The following RGS9 variants were observed in gnomAD, a reference collection of about 807,000 sequenced individuals.
RGS9 encodes the protein regulator of G-protein signalling 9.
A neutral mutation model predicts 102.0 loss-of-function variants in RGS9; 78 were observed. The ratio of observed to expected loss-of-function variants is 0.76; its 90% CI spans 0.64 to 0.92. RGS9 has a LOEUF of 0.92. Among genes scored for constraint, RGS9 ranks in the 40% least tolerant of loss-of-function variants. RGS9 has a pLI of 0.00. For synonymous variants in RGS9, 353 were observed against 318.6 expected (o/e 1.11, Z -1.15); for missense variants, 833 against 866.1 (o/e 0.96, Z 0.48).
chr17:65,155,302 G>A (rs994640716), intron 2 of RGS9, among the ~76,000 whole-genome samples: 2 of 152,184 alleles, frequency 1.3e-5, no homozygotes, highest in African/African-American at 4.8e-5. Flanking sequence ...ATTTTGGCCT[G>A]AATTCTCTAC....
rs1905739655 is a variant in RGS9 at position 65,227,354 on chromosome 17, T to G, written c.1972T>G (p.Ser658Ala). Residue 658 changes from serine to alanine, a missense_variant, in exon 19 of 19, where the codon TCG becomes GCG. By Grantham distance (99) the Ser-to-Ala change is moderately conservative. Coordinates refer to ENST00000262406, the MANE Select transcript of RGS9 (RefSeq NM_003835.4). ...MDSEDAGTGE[S>A]GDRATEKEVI... ...CTCGGAGGATGCTGGAACAGGAGAGTCGGGTGACCGGGCCACAGAAAAGGA... is the reference window on the plus strand; with the variant it reads ...CTCGGAGGATGCTGGAACAGGAGAGGCGGGTGACCGGGCCACAGAAAAGGA... 1 of 1,613,188 alleles carries G rather than the reference T, an allele frequency of 6.2e-7. No individual in the cohort carries two copies.
chr17:65,201,132 CTT>C (rs199857984), intron 13 of RGS9, among the ~76,000 whole-genome samples: 2,496 of 151,830 alleles, frequency 0.016, 74 homozygotes, highest in African/African-American at 0.058. Context: ...CACACACACA[CTT>C]GCTCTCTCTT....
At chr17:65,156,795 G>C (rs1910785600) in intron 2 of RGS9, among the ~76,000 whole-genome samples, 1 of 152,186 alleles carries the variant, frequency 6.6e-6, no homozygotes, top group South Asian at 2.1e-4. Flanking sequence ...TAAAGAGAGA[G>C]ACTTGGTGTG....
At chr17:65,179,624 A>T (rs1321459067) in intron 9 of RGS9, among the ~76,000 whole-genome samples, 1 of 146,454 alleles carries the variant, frequency 6.8e-6, no homozygotes, top group Non-Finnish European at 1.5e-5. Flanking sequence ...CCAAGCCAGG[A>T]TACTGCTCAG....
At chr17:65,203,351 C>G (rs923906122) in intron 14 of RGS9, among the ~76,000 whole-genome samples, 7 of 152,092 alleles carry the variant, frequency 4.6e-5, no homozygotes, top group Non-Finnish European at 7.4e-5. Context: ...ACAATGGGTG[C>G]CTGATTGCCT....
chr17:65,215,474 C>CTTTTTCTT lies in RGS9; in HGVS notation c.1407+4870_1407+4871insTTTTCTTT, dbSNP rs1378047430. 7.3e-5 allele frequency among the ~76,000 whole-genome samples: 10 copies of CTTTTTCTT among 137,036 alleles called. 1 individual carries two copies. Among genetic ancestry groups the CTTTTTCTT allele is most frequent in the African/African-American group, 2.9e-4 (9 of 30,836 alleles). 89.9% of individuals were successfully genotyped at this position (137,036 alleles called of 152,430 possible). ...GGAGTTTCTCTTTCTTTCTTTCTTTCTCTATCTTTCTTTCGTTCTTTCGTT... is the reference window on the plus strand; with the variant it reads ...GGAGTTTCTCTTTCTTTCTTTCTTTCTTTTTCTTTCTATCTTTCTTTCGTTCTTTCGTT... On this transcript the variant is annotated intron_variant, in intron 17 of 18. Coordinates refer to ENST00000262406, the MANE Select transcript of RGS9 (RefSeq NM_003835.4).
chr17:65,137,397 G>A lies in RGS9; in HGVS notation c.-144G>A. The A allele has an allele frequency of 2.6e-6, 2 of 773,872 alleles. No homozygotes were observed. Among genetic ancestry groups the A allele is most frequent in the Non-Finnish European group, 2.2e-6 (1 of 449,532 alleles). The allele number at this position is 773,872 out of a possible 1,614,324, so 47.9% of individuals were successfully genotyped here. A position where few individuals can be genotyped will look rare whatever the true frequency, so the allele number is the denominator to read the frequency against. ...TCAGCGGCGCCTAGTGAGAGTCAGGGGGGCCCGGCCCGCGCCCTCCCCGCC... is the reference window on the plus strand; with the variant it reads ...TCAGCGGCGCCTAGTGAGAGTCAGGAGGGCCCGGCCCGCGCCCTCCCCGCC... On this transcript the variant is annotated 5_prime_UTR_variant, in exon 1 of 19. Coordinates refer to ENST00000262406, the MANE Select transcript of RGS9 (RefSeq NM_003835.4).
At chr17:65,151,651 A>G (rs936149907) in intron 1 of RGS9, among the ~76,000 whole-genome samples, 10 of 152,270 alleles carry the variant, frequency 6.6e-5, no homozygotes, top group Non-Finnish European at 1.5e-4. Flanking sequence ...TCGACCTTCC[A>G]AGGCAGACAC....
intron 9 of RGS9, among the ~76,000 whole-genome samples, chr17:65,187,841 C>T (rs1016275853): frequency 2.0e-5 from 3 of 152,148 alleles, no homozygotes; most frequent in African/African-American, 7.2e-5. Flanking sequence ...ACTAAAAATA[C>T]AAAAATTAGC....
At chr17:65,223,897 C>T (rs1342468485) in intron 17 of RGS9, among the ~76,000 whole-genome samples, 2 of 151,572 alleles carry the variant, frequency 1.3e-5, no homozygotes, top group Non-Finnish European at 2.9e-5. Flanking sequence ...ATTACAGGCA[C>T]CCACCACCAC....
At position 65,212,829 on chromosome 17, in the gene RGS9, C is replaced by T. The variant is rs115588991; in HGVS notation, c.1407+2224C>T. 9.6e-3 allele frequency among the ~76,000 whole-genome samples: 1,466 copies of T among 152,278 alleles called. 20 individuals carry two copies. The highest frequency in any genetic ancestry group is 0.034 in the African/African-American group (1,413 of 41,546). On this transcript the variant is annotated intron_variant, in intron 17 of 18. Transcript: ENST00000262406. ...TGGAGTCTTCCCACTCTGGAAGGTACCCCAAGTAGAAATGTAAACCATTGT... is the reference window on the plus strand; with the variant it reads ...TGGAGTCTTCCCACTCTGGAAGGTATCCCAAGTAGAAATGTAAACCATTGT...
In RGS9 at chr17:65,139,287, C is replaced by T. The variant is rs79105212; in HGVS notation, c.57+1690C>T. On this transcript the variant is annotated intron_variant, in intron 1 of 18. Transcript: ENST00000262406. ...TCCCCATCTTCCACCCCGGTCTCCC[C>T]TCCTCCATGACAGCTTTCCTACACA... 2.2e-3 allele frequency among the ~76,000 whole-genome samples: 329 copies of T among 150,708 alleles called. 3 individuals are homozygous for T. The highest frequency in any genetic ancestry group is 7.8e-3 in the African/African-American group (318 of 40,856).
Position 65,153,417 on chromosome 17 carries a change from T to C in RGS9, c.58-5T>C. The C allele has an allele frequency of 6.2e-7, 1 of 1,613,270 alleles. No individual in the cohort carries two copies. Among genetic ancestry groups the C allele is most frequent in the Non-Finnish European group, 8.5e-7 (1 of 1,179,186 alleles). ...CAGTCGGCTTTTTCCTGTTCTGTCT[T>C]GCAGATTGAAGCGCTCGTGAAGGAC... On this transcript the variant is annotated splice_region_variant and splice_polypyrimidine_tract_variant and intron_variant, in intron 1 of 18. Transcript: ENST00000262406.
intron 9 of RGS9, among the ~76,000 whole-genome samples, chr17:65,180,835 G>T (rs1210293457): frequency 6.6e-6 from 1 of 152,114 alleles, no homozygotes; most frequent in Non-Finnish European, 1.5e-5. Context: ...GGTGTCTGTT[G>T]TTCCCTTCTT....
Position 65,210,458 on chromosome 17 carries a change from C to T in RGS9, c.1290-30C>T, listed in dbSNP as rs750663886. ...GTGTTGGGCAAGCTGTGTCATTTTC[C>T]TCCAACCACCAATCTGTCCTTCCTT... On this transcript the variant is annotated intron_variant, in intron 16 of 18. Transcript: ENST00000262406. 3.1e-6 allele frequency: 5 copies of T among 1,611,966 alleles called. No individual in the cohort carries two copies. In the South Asian group the frequency reaches 4.4e-5, roughly 14 times the overall value.
At position 65,177,782 on chromosome 17, in the gene RGS9, G is replaced by A. The variant is rs764942505; in HGVS notation, c.633G>A (p.Pro211=). 40 of 1,614,056 alleles carry A rather than the reference G, an allele frequency of 2.5e-5. No individual in the cohort carries two copies. Among genetic ancestry groups the A allele is most frequent in the South Asian group, 5.5e-5 (5 of 91,078 alleles). ...LDYGLDRVTN[P]NEVKVNQKQT... The stretch of plus-strand genomic sequence containing the variant: ...ACGGCCTGGACCGAGTGACCAATCC[G>A]AATGAAGTCAAGGTAAACCAGGTAT... Residue 211 remains proline (P), a synonymous_variant, in exon 9 of 19, where the codon CCG becomes CCA. Coordinates refer to ENST00000262406, the MANE Select transcript of RGS9 (RefSeq NM_003835.4).
chr17:65,182,157 G>A (rs1170761181), intron 9 of RGS9, among the ~76,000 whole-genome samples: 1 of 152,196 alleles, frequency 6.6e-6, no homozygotes, highest in Non-Finnish European at 1.5e-5. Context: ...CAGAAATATG[G>A]CCTCCCAGTA....
intron 12 of RGS9, among the ~76,000 whole-genome samples, chr17:65,196,238 A>G (rs531057168): frequency 1.3e-5 from 2 of 152,322 alleles, no homozygotes; most frequent in Non-Finnish European, 2.9e-5. Context: ...TAATGTTATC[A>G]GTTTTCTTAT....
chr17:65,187,090 C>A (rs1370409180), intron 9 of RGS9, among the ~76,000 whole-genome samples: 1 of 152,160 alleles, frequency 6.6e-6, no homozygotes, highest in Non-Finnish European at 1.5e-5. Flanking sequence ...GCATTTGGAT[C>A]ATTTGGGGAG....
Sources: allele counts gnomAD v4.1 joint callset (sites outside exome capture counted in the v4.1 genomes callset), GRCh38; gene constraint gnomAD v4.1.1; transcripts MANE v1.5; gene names NCBI Gene and HGNC (gene_info 2026-07-23, HGNC 2026-07-21).